The following MDFI variants were observed in gnomAD, a reference collection of about 807,000 sequenced individuals.
MDFI encodes MyoD family inhibitor.
In MDFI, 16 loss-of-function variants were observed where a neutral mutation model predicts 22.3. That is an observed-to-expected ratio of 0.72 (90% CI 0.49 to 1.09). The LOEUF is 1.09. Among genes scored for constraint, MDFI ranks in the 50% least tolerant of loss-of-function variants. The pLI is 0.00. For synonymous variants in MDFI, 145 were observed against 142.7 expected, an observed-to-expected ratio of 1.02 and a Z score of -0.12; for missense variants, 314 against 326.1, an observed-to-expected ratio of 0.96 and a Z score of 0.29.
chr6:41,648,327 C>T (rs1028243207), intron 3 of MDFI, among the ~76,000 whole-genome samples: 5 of 152,138 alleles, frequency 3.3e-5, no homozygotes, highest in African/African-American at 9.7e-5. Context: ...TCTACCTCTC[C>T]GGGACTCAGT....
chr6:41,646,604 G>T (rs539102490), intron 3 of MDFI, among the ~76,000 whole-genome samples: 2 of 152,284 alleles, frequency 1.3e-5, no homozygotes, highest in Non-Finnish European at 2.9e-5. Flanking sequence ...AGAGAGCTAC[G>T]GGGCTGGGGT....
chr6:41,638,424 A>G (rs1581822163), upstream of MDFI: 2 of 323,124 alleles, frequency 6.2e-6, no homozygotes, highest in Non-Finnish European at 1.1e-5. This position sits in a 1 kb window ranked among gnomAD's most constrained non-coding sequence, Gnocchi z 7.6. Flanking sequence ...GGGAGGGGAG[A>G]GGCGAGTAGG....
chr6:41,647,145 C>T (rs1280598561), intron 3 of MDFI, among the ~76,000 whole-genome samples: 1 of 152,236 alleles, frequency 6.6e-6, no homozygotes, highest in Non-Finnish European at 1.5e-5. Context: ...ACTAATCCCA[C>T]TAGTGCACGG....
intron 2 of MDFI, among the ~76,000 whole-genome samples, chr6:41,641,565 G>A (rs899964287): frequency 6.6e-6 from 1 of 152,248 alleles, no homozygotes; most frequent in African/African-American, 2.4e-5. Flanking sequence ...TCCGGACTGA[G>A]GCCTTGAATG....
rs886922437 is a variant in MDFI, at chr6:41,639,435, G to T, written c.76+610G>T. The T allele has an allele frequency of 3.0e-6, 3 of 985,336 alleles. No individual in the cohort carries two copies. The African/African-American group carries it at 5.2e-5, about 17-fold the overall frequency. The allele number at this position is 985,336 out of a possible 1,614,324, so 61.0% of individuals were successfully genotyped here. Reference sequence around the variant, plus strand: ...GTCTTCAGCCCAAGTGAAATGCCCCGTCCCGCGCCTGGCGCCGTCTGTAAC... The same window carrying T: ...GTCTTCAGCCCAAGTGAAATGCCCCTTCCCGCGCCTGGCGCCGTCTGTAAC... On this transcript the variant is annotated intron_variant, in intron 2 of 4. Transcript: ENST00000230321.
intron 2 of MDFI, chr6:41,639,447 G>A: frequency 1.0e-6 from 1 of 985,382 alleles, no homozygotes; most frequent in South Asian, 4.7e-5. Context: ...CCCGCGCCTG[G>A]CGCCGTCTGT....
At chr6:41,639,944 T>TG (rs1767787438) in intron 2 of MDFI, 1 of 983,904 alleles carries the variant, frequency 1.0e-6, no homozygotes, top group Non-Finnish European at 1.2e-6. Context: ...GTTGTGGAGG[T>TG]GGGGGGTCCT....
chr6:41,646,074 C>G (rs771395780), intron 2 of MDFI, 52 bp from the exon 3 acceptor site: 122 of 1,406,242 alleles, frequency 8.7e-5, no homozygotes, highest in Non-Finnish European at 7.8e-5. Flanking sequence ...CACGGCTGGG[C>G]AAACAGGAAG....
At chr6:41,641,482 C>T (rs2268410) in intron 2 of MDFI, among the ~76,000 whole-genome samples, 54,768 of 151,946 alleles carry the variant, frequency 0.36, 10,374 homozygotes, top group Middle Eastern at 0.46. Context: ...TCAGAAGATC[C>T]GGCAATGGCC....
At chr6:41,642,125 G>T (rs963297897) in intron 2 of MDFI, among the ~76,000 whole-genome samples, 1 of 152,190 alleles carries the variant, frequency 6.6e-6, no homozygotes, top group Admixed American at 6.5e-5. Flanking sequence ...GAGGAGTACA[G>T]GGCTGGGGGC....
intron 2 of MDFI, among the ~76,000 whole-genome samples, chr6:41,645,530 G>A (rs753653902): frequency 4.0e-5 from 6 of 151,712 alleles, no homozygotes; most frequent in Admixed American, 6.6e-5. Flanking sequence ...AGTTTCTCCC[G>A]TCTCCCTCCG....
chr6:41,639,106 A>T, intron 2 of MDFI: 1 of 522,118 alleles, frequency 1.9e-6, no homozygotes, highest in Non-Finnish European at 2.4e-6. Context: ...ACAAACACAC[A>T]CACATACACT....
At chr6:41,646,460 C>A in intron 3 of MDFI, 152 bp downstream of exon 3, 1 of 635,608 alleles carries the variant, frequency 1.6e-6, no homozygotes, top group Non-Finnish European at 2.4e-6. Context: ...GGCACTGTCA[C>A]TGTGCTTTCT....
chr6:41,649,368 C>CT (rs1768172876), intron 3 of MDFI, among the ~76,000 whole-genome samples: 1 of 152,334 alleles, frequency 6.6e-6, no homozygotes, highest in African/African-American at 2.4e-5. Flanking sequence ...AGCCCCTGCC[C>CT]TTATACATCT....
At chr6:41,651,603 G>C (rs1054168653) in intron 4 of MDFI, among the ~76,000 whole-genome samples, 2 of 152,206 alleles carry the variant, frequency 1.3e-5, no homozygotes, top group Non-Finnish European at 2.9e-5. Context: ...TTTAAACAAG[G>C]TGGTCACCTC....
rs149127818 is a variant in MDFI at position 41,643,489 on chromosome 6, C to T, written c.77-2637C>T. Among the ~76,000 whole-genome samples the T allele has an allele frequency of 8.2e-4, 120 of 147,082 alleles. 1 individual carries two copies. The highest frequency in any genetic ancestry group is 2.5e-3 in the African/African-American group (100 of 39,858). The stretch of plus-strand genomic sequence containing the variant: ...ATACTTGTCATATTGCTGGGTGCCT[C>T]GTAGGTGCTTAATAAATGTTAAACC... On this transcript the variant is annotated intron_variant, in intron 2 of 4. Transcript: ENST00000230321.
chr6:41,643,349 C>G (rs1374203595), intron 2 of MDFI, among the ~76,000 whole-genome samples: 1 of 152,122 alleles, frequency 6.6e-6, no homozygotes, highest in Admixed American at 6.5e-5. Flanking sequence ...ACCATTCTTC[C>G]AGATGCCCCA....
At chr6:41,645,167 A>G (rs923227468) in intron 2 of MDFI, among the ~76,000 whole-genome samples, 1 of 151,878 alleles carries the variant, frequency 6.6e-6, no homozygotes, top group Non-Finnish European at 1.5e-5. Flanking sequence ...TGAGAGGCCC[A>G]GGCTGCACCC....
At chr6:41,652,952 G>C (rs969142044) in intron 4 of MDFI, among the ~76,000 whole-genome samples, 4 of 152,200 alleles carry the variant, frequency 2.6e-5, no homozygotes, top group Admixed American at 2.0e-4. Context: ...CATCTGTAGA[G>C]TGGGGCTAGT....
Sources: gnomAD v4.1 joint callset for allele counts (sites outside exome capture counted in the v4.1 genomes callset) on GRCh38, gnomAD v4.1.1 for gene constraint, Gnocchi (gnomAD v3.1) non-coding constraint, MANE v1.5 for transcripts, NCBI Gene and HGNC (gene_info 2026-07-23, HGNC 2026-07-21) for gene names.